The following GPHN variants were observed in gnomAD, a reference collection of about 807,000 sequenced individuals.
GPHN encodes gephyrin.
In GPHN, 17 loss-of-function variants were observed where a neutral mutation model predicts 95.5. That is an observed-to-expected ratio of 0.18 (90% CI 0.12 to 0.27). GPHN has a LOEUF of 0.27. Among genes scored for constraint, GPHN ranks in the 10% least tolerant of loss-of-function variants. The probability of loss-of-function intolerance (pLI) is 1.00; values close to 1 mark genes in which losing one functional copy is unlikely to be tolerated. For synonymous variants in GPHN, 320 were observed against 322.5 expected, an observed-to-expected ratio of 0.99 and a Z score of 0.08; for missense variants, 660 against 978.1, an observed-to-expected ratio of 0.67 and a Z score of 4.34.
At chr14:66,513,258 T>C (rs1594778200) in intron 1 of GPHN, among the ~76,000 whole-genome samples, 1 of 151,802 alleles carries the variant, frequency 6.6e-6, no homozygotes, top group East Asian at 1.9e-4. Context: ...AAAGTGAATA[T>C]ACTTAATACT....
intron 16 of GPHN, among the ~76,000 whole-genome samples, chr14:67,117,905 T>A (rs1287132295): frequency 6.6e-6 from 1 of 152,162 alleles, no homozygotes; most frequent in Non-Finnish European, 1.5e-5. Flanking sequence ...AAATACAGTA[T>A]AACCAATAAT....
the GPHN span, chr14:67,472,663 G>C: frequency 6.5e-6 from 1 of 152,890 alleles, no homozygotes; most frequent in African/African-American, 2.4e-5. Flanking sequence ...TAGGGAGCTG[G>C]GGTGGGGCAG....
the GPHN span, among the ~76,000 whole-genome samples, chr14:67,520,406 CA>C: frequency 6.6e-6 from 1 of 152,204 alleles, no homozygotes; most frequent in African/African-American, 2.4e-5. Context: ...TTGCCTTTTC[CA>C]GAATGTCATA....
the GPHN span, among the ~76,000 whole-genome samples, chr14:67,524,884 G>A: frequency 7.2e-5 from 11 of 152,040 alleles, no homozygotes; most frequent in Admixed American, 4.6e-4. Flanking sequence ...ATCTCTCCCC[G>A]GTATCTTAAT....
At chr14:66,580,585 C>A (rs2061116392) in intron 1 of GPHN, among the ~76,000 whole-genome samples, 1 of 151,538 alleles carries the variant, frequency 6.6e-6, no homozygotes, top group Non-Finnish European at 1.5e-5. Flanking sequence ...AATTAGATAA[C>A]CTAAATTCCT....
intron 9 of GPHN, among the ~76,000 whole-genome samples, chr14:66,991,696 C>A (rs2071432114): frequency 6.7e-6 from 1 of 150,240 alleles, no homozygotes; most frequent in South Asian, 2.1e-4. Context: ...AAGGGAAAAA[C>A]CTCCTGTCTA....
the GPHN span, among the ~76,000 whole-genome samples, chr14:67,584,607 T>C: frequency 1.7e-4 from 26 of 152,206 alleles, no homozygotes; most frequent in African/African-American, 4.1e-4. Context: ...TATAGATAAT[T>C]ACAGCTCAAA....
At chr14:67,129,793 A>G (rs2079574162) in intron 17 of GPHN, among the ~76,000 whole-genome samples, 1 of 139,356 alleles carries the variant, frequency 7.2e-6, no homozygotes, top group African/African-American at 2.6e-5. Flanking sequence ...AAAGAGAGAG[A>G]GAGGGAGAGG....
At chr14:66,517,126 C>CAAAAAAAA (rs1171024713) in intron 1 of GPHN, among the ~76,000 whole-genome samples, 7 of 31,006 alleles carry the variant, frequency 2.3e-4, no homozygotes, top group East Asian at 1.6e-3. Context: ...GACTCCATCT[C>CAAAAAAAA]AAAAAAAAAA....
At chr14:67,551,160 C>T in the GPHN span, among the ~76,000 whole-genome samples, 1 of 152,168 alleles carries the variant, frequency 6.6e-6, no homozygotes, top group Admixed American at 6.5e-5. Flanking sequence ...CTGGCTTAAA[C>T]CCATTCTTTC....
chr14:67,641,525 G>A, the GPHN span, among the ~76,000 whole-genome samples: 3 of 152,194 alleles, frequency 2.0e-5, no homozygotes, highest in Non-Finnish European at 4.4e-5. Context: ...ACTGTTTTGA[G>A]TCTTAAATAA....
At chr14:67,453,526 C>T in the GPHN span, among the ~76,000 whole-genome samples, 1 of 152,210 alleles carries the variant, frequency 6.6e-6, no homozygotes, top group African/African-American at 2.4e-5. Flanking sequence ...TCCTGCCCAT[C>T]AGGGATGTAT....
the GPHN span, among the ~76,000 whole-genome samples, chr14:67,657,362 T>G: frequency 6.6e-6 from 1 of 152,298 alleles, no homozygotes; most frequent in South Asian, 2.1e-4. Flanking sequence ...CCTGCCACAC[T>G]GGGGGTGATT....
the GPHN span, among the ~76,000 whole-genome samples, chr14:67,429,234 T>TC: frequency 6.6e-6 from 1 of 150,856 alleles, no homozygotes; most frequent in East Asian, 2.0e-4. Flanking sequence ...TGGACAATTT[T>TC]TTTTTTTTTT....
the GPHN span, chr14:67,656,514 G>A: frequency 5.6e-6 from 9 of 1,613,766 alleles, no homozygotes; most frequent in African/African-American, 1.3e-5. Context: ...CGATGAGAAC[G>A]TTCAATACTT....
At chr14:67,453,455 T>C in the GPHN span, among the ~76,000 whole-genome samples, 9 of 152,210 alleles carry the variant, frequency 5.9e-5, no homozygotes, top group Admixed American at 2.6e-4. Context: ...CCTGCTCAGG[T>C]ACCCGGGATG....
At chr14:66,970,491 C>A (rs896759004) in intron 9 of GPHN, among the ~76,000 whole-genome samples, 4 of 152,096 alleles carry the variant, frequency 2.6e-5, no homozygotes, top group African/African-American at 9.7e-5. Flanking sequence ...TGAATATTGT[C>A]ACTATTTTCC....
the GPHN span, among the ~76,000 whole-genome samples, chr14:67,504,751 G>A: frequency 1.3e-3 from 205 of 152,214 alleles, no homozygotes; most frequent in South Asian, 2.7e-3. Context: ...TGGGCGTGGT[G>A]GCGGGTGCCC....
chr14:67,505,668 G>A, the GPHN span, among the ~76,000 whole-genome samples: 7 of 152,166 alleles, frequency 4.6e-5, no homozygotes, highest in African/African-American at 9.6e-5. Context: ...GATTTCAGGG[G>A]CTGAGGAAGG....
Sources: allele counts gnomAD v4.1 joint callset (sites outside exome capture counted in the v4.1 genomes callset), GRCh38; gene constraint gnomAD v4.1.1; transcripts MANE v1.5; gene names NCBI Gene and HGNC (gene_info 2026-07-23, HGNC 2026-07-21).